Variants in DHRS7C observed in about 807,000 individuals in gnomAD.
The protein encoded by DHRS7C is dehydrogenase/reductase SDR family member 7C.
Under a neutral mutation model 29.6 loss-of-function variants are expected in DHRS7C, and 28 were observed. The ratio of observed to expected loss-of-function variants is 0.95; its 90% CI spans 0.70 to 1.30. The LOEUF is 1.30. DHRS7C is among the 50% of genes most tolerant of loss of function. The pLI, the probability that DHRS7C is intolerant of heterozygous loss-of-function variation, is 0.00. For missense variants in DHRS7C, 403 were observed against 393.3 expected (o/e 1.02, Z -0.21); for synonymous variants, 158 against 160.2 (o/e 0.99, Z 0.10).
At chr17:9,777,358 C>A (rs113653944) in intron 3 of DHRS7C, 73 bp from the exon 4 acceptor site, 2 of 1,286,532 alleles carry the variant, frequency 1.6e-6, no homozygotes, top group Non-Finnish European at 1.1e-6. Context: ...CAGACCCCTG[C>A]CCCCGGTACC....
rs986619419 is a variant in DHRS7C, at chr17:9,774,206, G to C, written c.572-1284C>G. 6.6e-6 allele frequency among the ~76,000 whole-genome samples: 1 copy of C among 152,214 alleles called. No individual in the cohort carries two copies. Among genetic ancestry groups the C allele is most frequent in the Non-Finnish European group, 1.5e-5 (1 of 68,036 alleles). The stretch of plus-strand genomic sequence containing the variant: ...GAAGCTGGGGACCCAGAGGTGAATA[G>C]AAGTAGCTCTGGCCTCATGGAGTCC... On this transcript the variant is annotated intron_variant, in intron 4 of 5. Coordinates refer to ENST00000571134, the MANE Select transcript of DHRS7C (RefSeq NM_001105571.3). The surrounding 1 kb of genome is among the most constrained non-coding windows in gnomAD (Gnocchi z 5.0).
chr17:9,777,415 G>GACTCATTCCACCTCTGCCCT, intron 3 of DHRS7C, 130 bp from the exon 4 acceptor site: 2 of 620,692 alleles, frequency 3.2e-6, no homozygotes, highest in Non-Finnish European at 5.5e-6. Flanking sequence ...ATTGCAGCAG[G>GACTCATTCCACCTCTGCCCT]GCAGAGGTGG....
At chr17:9,777,814 GA>G (rs1373551616) in intron 3 of DHRS7C, among the ~76,000 whole-genome samples, 1 of 152,142 alleles carries the variant, frequency 6.6e-6, no homozygotes, top group East Asian at 1.9e-4. Context: ...TTTTAACAAA[GA>G]GAGGGAAGAT....
chr17:9,781,143 T>A (rs2066390703), intron 2 of DHRS7C, among the ~76,000 whole-genome samples: 1 of 152,142 alleles, frequency 6.6e-6, no homozygotes, highest in African/African-American at 2.4e-5. Flanking sequence ...TTGATGGAGA[T>A]ATCAGTTCAG....
Position 9,774,848 on chromosome 17 carries a change from G to C in DHRS7C, c.572-1926C>G, listed in dbSNP as rs2152015183. Among the ~76,000 whole-genome samples, 1 of 152,300 alleles carries C rather than the reference G, an allele frequency of 6.6e-6. No homozygotes were observed. Among genetic ancestry groups the C allele is most frequent in the African/African-American group, 2.4e-5 (1 of 41,560 alleles). On this transcript the variant is annotated intron_variant, in intron 4 of 5. Coordinates refer to ENST00000571134, the MANE Select transcript of DHRS7C (RefSeq NM_001105571.3). The surrounding 1 kb of genome is among the most constrained non-coding windows in gnomAD (Gnocchi z 5.0). ...GTGTCTTTCCAAAGCCGGATTCAGA[G>C]GAAGAAGAGAATTTGGGGCCAGTCC...
At chr17:9,773,741 T>TTTTTTTTTTTTTTTTTTTC (rs57969612) in intron 4 of DHRS7C, among the ~76,000 whole-genome samples, 3 of 129,290 alleles carry the variant, frequency 2.3e-5, no homozygotes, top group African/African-American at 3.2e-5. Context: ...TTTTTTTTTT[T>TTTTTTTTTTTTTTTTTTTC]TGAGACGGCG....
intron 1 of DHRS7C, among the ~76,000 whole-genome samples, chr17:9,782,180 T>C (rs545256777): frequency 2.0e-4 from 31 of 152,342 alleles, no homozygotes; most frequent in Non-Finnish European, 3.7e-4. Flanking sequence ...TTAAAAGCAA[T>C]AGAAGCTCAC....
At chr17:9,773,719 C>CTTTTTTTTTTTTTTTTTTTT in intron 4 of DHRS7C, among the ~76,000 whole-genome samples, 1 of 86,006 alleles carries the variant, frequency 1.2e-5, no homozygotes, top group Non-Finnish European at 2.1e-5. Flanking sequence ...GCAATGAGGC[C>CTTTTTTTTTTTTTTTTTTTT]TTTTTTTTTT....
rs371896224 is a variant in DHRS7C, at chr17:9,772,930, A to G, written c.572-8T>C. On this transcript the variant is annotated splice_region_variant and splice_polypyrimidine_tract_variant and intron_variant, in intron 4 of 5. Coordinates refer to ENST00000571134, the MANE Select transcript of DHRS7C (RefSeq NM_001105571.3). ...CGTGCTTGGAGGCAGCGTCTGCGAG[A>G]CAAACCATCCGGAGGTGGGCGCAGG... The G allele has an allele frequency of 8.9e-5, 143 of 1,613,106 alleles. No individual in the cohort carries two copies. Among genetic ancestry groups the G allele is most frequent in the Non-Finnish European group, 9.5e-5 (112 of 1,179,828 alleles).
intron 1 of DHRS7C, among the ~76,000 whole-genome samples, chr17:9,788,342 G>A (rs1228720717): frequency 6.6e-6 from 1 of 152,134 alleles, no homozygotes; most frequent in Non-Finnish European, 1.5e-5. Flanking sequence ...AAGTAGCTGG[G>A]ATTATAGGCA....
At chr17:9,773,033 T>C in intron 4 of DHRS7C, 111 bp from the exon 5 acceptor site, 4 of 1,323,862 alleles carry the variant, frequency 3.0e-6, no homozygotes, top group Non-Finnish European at 4.1e-6. Flanking sequence ...GGCGCAGAGC[T>C]GGGAAGATCC....
intron 5 of DHRS7C, among the ~76,000 whole-genome samples, chr17:9,772,358 A>G (rs1382198203): frequency 1.3e-5 from 2 of 152,196 alleles, no homozygotes; most frequent in African/African-American, 4.8e-5. Flanking sequence ...CCTCTAATAC[A>G]TGGCAGAGGC....
At position 9,772,747 on chromosome 17, in the gene DHRS7C, G is replaced by C. The variant is rs1200760259; in HGVS notation, c.727+20C>G. On this transcript the variant is annotated intron_variant, in intron 5 of 5. Transcript: ENST00000571134. ...GTTCCCGAGGCCCCCAGGGGCCCCA[G>C]CTTCCCTCTGAAGTCTCACATTTCC... 1 of 1,612,826 alleles carries C rather than the reference G, an allele frequency of 6.2e-7. No individual in the cohort carries two copies. The highest frequency in any genetic ancestry group is 1.7e-5 in the Admixed American group (1 of 59,934).
intron 2 of DHRS7C, among the ~76,000 whole-genome samples, chr17:9,781,267 C>G (rs2066391390): frequency 6.6e-6 from 1 of 152,162 alleles, no homozygotes; most frequent in Non-Finnish European, 1.5e-5. Context: ...GGAGCTGTGG[C>G]TACAGAACAT....
chr17:9,791,019 C>A, intron 1 of DHRS7C, 112 bp downstream of exon 1: 1 of 1,303,818 alleles, frequency 7.7e-7, no homozygotes, highest in Non-Finnish European at 1.0e-6. Context: ...CAGGATCGAT[C>A]CCCTCCCACC....
Position 9,781,714 on chromosome 17 carries a change from C to T in DHRS7C, c.155-120G>A, listed in dbSNP as rs1247978409. The T allele has an allele frequency of 5.8e-6, 5 of 859,972 alleles. No individual in the cohort carries two copies. The Admixed American group carries it at 1.2e-4, about 21-fold the overall frequency. 53.3% of individuals were successfully genotyped at this position (859,972 alleles called of 1,614,324 possible). On this transcript the variant is annotated intron_variant, in intron 1 of 5. Coordinates refer to ENST00000571134, the MANE Select transcript of DHRS7C (RefSeq NM_001105571.3). ...TCAGAAGTCTTAGCACCACGAGGTC[C>T]TTTAGGGGTCACTTCATTGAACTCC...
Position 9,777,184 on chromosome 17 carries a change from G to A in DHRS7C, c.571+9C>T. ...CAGAAGATATCATATTTTTATCTTA[G>A]CAACTTACAAGTCGTACGGAACGGG... On this transcript the variant is annotated intron_variant, in intron 4 of 5. Transcript: ENST00000571134. The A allele has an allele frequency of 6.2e-7, 1 of 1,607,978 alleles. No homozygotes were observed. Among genetic ancestry groups the A allele is most frequent in the South Asian group, 1.1e-5 (1 of 90,520 alleles).
At chr17:9,784,138 A>G (rs1441798154) in intron 1 of DHRS7C, among the ~76,000 whole-genome samples, 1 of 152,030 alleles carries the variant, frequency 6.6e-6, no homozygotes, top group Non-Finnish European at 1.5e-5. Context: ...GAAAGAAAAA[A>G]AATCCTAATA....
At chr17:9,779,748 ACTGT>A in intron 3 of DHRS7C, 73 bp downstream of exon 3, 1 of 1,423,172 alleles carries the variant, frequency 7.0e-7, no homozygotes, top group Non-Finnish European at 9.6e-7. Flanking sequence ...GAATAGGATG[ACTGT>A]CTGGCTAATT....
Sources: gnomAD v4.1 joint callset for allele counts (sites outside exome capture counted in the v4.1 genomes callset) on GRCh38, gnomAD v4.1.1 for gene constraint, Gnocchi (gnomAD v3.1) non-coding constraint, MANE v1.5 for transcripts, NCBI Gene and HGNC (gene_info 2026-07-23, HGNC 2026-07-21) for gene names.